KIAA1549L: variants seen among roughly 807,000 people sequenced by gnomAD.
KIAA1549L encodes the protein KIAA1549 like.
In KIAA1549L, 88 loss-of-function variants were observed where a neutral mutation model predicts 160.7. That is an observed-to-expected ratio of 0.55 (90% CI 0.46 to 0.65). KIAA1549L has a LOEUF of 0.65. Ranked by LOEUF, KIAA1549L falls within the 30% of genes least tolerant of loss-of-function variation. KIAA1549L has a pLI of 0.00. For missense variants in KIAA1549L, 2,258 were observed against 2,437.5 expected (o/e 0.93, Z 1.55); for synonymous variants, 950 against 976.7 (o/e 0.97, Z 0.51).
Position 33,552,176 on chromosome 11 carries a change from C to A in KIAA1549L, c.3790C>A (p.Leu1264Met), listed in dbSNP as rs1854484329. The A allele has an allele frequency of 6.2e-6, 10 of 1,611,996 alleles. No individual in the cohort carries two copies. The highest frequency in any genetic ancestry group is 8.5e-6 in the Non-Finnish European group (10 of 1,179,060). Residue 1264 changes from leucine (L) to methionine (M), a missense_variant, in exon 6 of 21, where the codon CTG becomes ATG. Transcript: ENST00000658780. ...CKFAQTMEQRLQKAFQDAERK... is the reference protein window; with the variant it reads ...CKFAQTMEQRMQKAFQDAERK... ...GTTTGCTCAGACAATGGAACAGAGG[C>A]TGCAGAAGGCATTCCAGGATGCCGA...
intron 15 of KIAA1549L, among the ~76,000 whole-genome samples, chr11:33,614,535 T>C (rs990628174): frequency 4.4e-3 from 13 of 2,966 alleles, no homozygotes; most frequent in Non-Finnish European, 7.8e-3. Flanking sequence ...TAACAAGATA[T>C]ATATATATAT....
intron 13 of KIAA1549L, among the ~76,000 whole-genome samples, chr11:33,606,191 T>C (rs185311556): frequency 6.6e-6 from 1 of 152,344 alleles, no homozygotes; most frequent in East Asian, 1.9e-4. Flanking sequence ...CTTGCTACTT[T>C]AACATCTTGT....
intron 1 of KIAA1549L, among the ~76,000 whole-genome samples, chr11:33,535,063 T>C (rs1369058267): frequency 6.6e-6 from 1 of 152,158 alleles, no homozygotes; most frequent in Non-Finnish European, 1.5e-5. Flanking sequence ...CTGGGCTGTG[T>C]TCTCATCTGG....
intron 16 of KIAA1549L, among the ~76,000 whole-genome samples, chr11:33,619,624 C>T (rs534431562): frequency 6.6e-6 from 1 of 152,232 alleles, no homozygotes; most frequent in East Asian, 1.9e-4. Context: ...AGATATTCTA[C>T]CTAATTTGAA....
At chr11:33,445,315 A>G (rs1851589195) in intron 1 of KIAA1549L, among the ~76,000 whole-genome samples, 3 of 152,354 alleles carry the variant, frequency 2.0e-5, no homozygotes, top group East Asian at 3.9e-4. Context: ...GAGAAGTTGG[A>G]TAACAGCAGT....
At chr11:33,398,303 T>A (rs1850428409) in intron 1 of KIAA1549L, among the ~76,000 whole-genome samples, 1 of 150,874 alleles carries the variant, frequency 6.6e-6, no homozygotes, top group Admixed American at 6.6e-5. Flanking sequence ...ACATCAGGCC[T>A]GCATCCACTC....
At chr11:33,414,523 A>G (rs1850849429) in intron 1 of KIAA1549L, among the ~76,000 whole-genome samples, 1 of 152,232 alleles carries the variant, frequency 6.6e-6, no homozygotes, top group African/African-American at 2.4e-5. Context: ...TTCCTGGAAT[A>G]GAGGTACTGG....
chr11:33,472,736 C>T (rs1421785546), intron 1 of KIAA1549L, among the ~76,000 whole-genome samples: 4 of 152,148 alleles, frequency 2.6e-5, no homozygotes, highest in African/African-American at 4.8e-5. Context: ...CATTTTTTAT[C>T]TTAAAATTGT....
intron 15 of KIAA1549L, 90 bp downstream of exon 15, chr11:33,610,056 G>A (rs1452218098): frequency 2.1e-6 from 2 of 932,330 alleles, no homozygotes; most frequent in Non-Finnish European, 1.7e-6. Flanking sequence ...TCCTTATCTG[G>A]TACTGTAGGA....
At chr11:33,390,818 A>G (rs914521634) in intron 1 of KIAA1549L, among the ~76,000 whole-genome samples, 2 of 152,166 alleles carry the variant, frequency 1.3e-5, no homozygotes, top group African/African-American at 2.4e-5. Flanking sequence ...TTCCTTGTAT[A>G]AATACTCCCA....
chr11:33,403,286 C>G (rs145278364), intron 1 of KIAA1549L: 20 of 56,122 alleles, frequency 3.6e-4, no homozygotes, highest in South Asian at 8.8e-4. Context: ...GACACAGACA[C>G]ACACACACAC....
intron 16 of KIAA1549L, among the ~76,000 whole-genome samples, chr11:33,642,967 C>T (rs745561325): frequency 2.6e-5 from 4 of 152,100 alleles, no homozygotes; most frequent in Admixed American, 6.5e-5. Context: ...AGGGAGTATC[C>T]AGTCTTGGGG....
At chr11:33,391,028 G>C (rs1850263236) in intron 1 of KIAA1549L, among the ~76,000 whole-genome samples, 1 of 152,194 alleles carries the variant, frequency 6.6e-6, no homozygotes, top group East Asian at 1.9e-4. Context: ...TCAACTAGTT[G>C]CATTTGTAAT....
intron 3 of KIAA1549L, 57 bp downstream of exon 3, chr11:33,545,435 A>G: frequency 1.3e-6 from 2 of 1,519,364 alleles, no homozygotes; most frequent in Non-Finnish European, 1.8e-6. Flanking sequence ...AGATGTAACC[A>G]TAATGTTTAT....
rs577780395 is a variant in KIAA1549L at position 33,567,963 on chromosome 11, G to A, written c.4079-113G>A. 478 of 1,096,862 alleles carry A rather than the reference G, an allele frequency of 4.4e-4. 3 individuals carry two copies. In the African/African-American group the frequency reaches 7.2e-3, roughly 17 times the overall value. The allele number at this position is 1,096,862 out of a possible 1,614,324, so 67.9% of individuals were successfully genotyped here. On this transcript the variant is annotated intron_variant, in intron 8 of 20. Coordinates refer to ENST00000658780, the MANE Select transcript of KIAA1549L (RefSeq NM_012194.3). Reference sequence around the variant, plus strand: ...GGTAAGGTTGGCCAAGCCCTAACATGAGGTAGGACACAGTGGCCCTTGGTG... The same window carrying A: ...GGTAAGGTTGGCCAAGCCCTAACATAAGGTAGGACACAGTGGCCCTTGGTG...
intron 11 of KIAA1549L, among the ~76,000 whole-genome samples, chr11:33,587,496 T>C (rs1849917431): frequency 6.6e-6 from 1 of 152,226 alleles, no homozygotes; most frequent in Non-Finnish European, 1.5e-5. Flanking sequence ...ATCTGTGAAA[T>C]GAAGGCTGTA....
At chr11:33,535,355 C>T (rs1157897156) in intron 1 of KIAA1549L, among the ~76,000 whole-genome samples, 1 of 152,052 alleles carries the variant, frequency 6.6e-6, no homozygotes, top group African/African-American at 2.4e-5. Context: ...AGTTACATCC[C>T]ATCTCCTATT....
At chr11:33,621,663 G>GA (rs35999065) in intron 16 of KIAA1549L, among the ~76,000 whole-genome samples, 6,001 of 148,052 alleles carry the variant, frequency 0.041, 226 homozygotes, top group East Asian at 0.18. Flanking sequence ...GTAAGGAAAA[G>GA]AAAAAAAAAA....
chr11:33,648,133 T>C (rs1275024419), intron 17 of KIAA1549L, among the ~76,000 whole-genome samples: 1 of 151,920 alleles, frequency 6.6e-6, no homozygotes, highest in East Asian at 1.9e-4. Context: ...TAGCTGGGAC[T>C]ACAGGCGCAT....
Sources: allele counts gnomAD v4.1 joint callset (sites outside exome capture counted in the v4.1 genomes callset), GRCh38; gene constraint gnomAD v4.1.1; transcripts MANE v1.5; gene names NCBI Gene and HGNC (gene_info 2026-07-23, HGNC 2026-07-21).